Variants in TENM3 observed in about 807,000 individuals in gnomAD.
The protein encoded by TENM3 is teneurin-3.
TENM3 carries 63 observed loss-of-function variants against 255.1 expected under a neutral mutation model. The observed-to-expected ratio is 0.25, with a 90% CI of 0.20 to 0.30. The LOEUF (loss-of-function observed/expected upper bound fraction) is 0.30, where lower values mean the gene tolerates loss of function less well. Among genes scored for constraint, TENM3 ranks in the 10% least tolerant of loss-of-function variants. The probability of loss-of-function intolerance (pLI) is 1.00; values close to 1 mark genes in which losing one functional copy is unlikely to be tolerated. For missense variants in TENM3, 2,929 were observed against 3,461.1 expected (o/e 0.85, Z 3.86); for synonymous variants, 1,306 against 1,322.3 (o/e 0.99, Z 0.27).
At chr4:182,449,036 C>G in intron 3 of TENM3, 1 of 383,044 alleles carries the variant, frequency 2.6e-6, no homozygotes, top group South Asian at 1.8e-5. Flanking sequence ...AACTTGGCAG[C>G]GCTGGGCTCG....
the TENM3 span, among the ~76,000 whole-genome samples, chr4:181,659,839 A>G: frequency 7.2e-5 from 11 of 152,280 alleles, no homozygotes; most frequent in Middle Eastern, 3.4e-3. Flanking sequence ...TTTTCCCCCA[A>G]GTAGTACTGT....
the TENM3 span, among the ~76,000 whole-genome samples, chr4:182,022,193 A>G: frequency 2.2e-3 from 330 of 152,160 alleles, 1 homozygote; most frequent in African/African-American, 7.6e-3. Flanking sequence ...AATGTGGTAC[A>G]TATACACCAT....
chr4:181,454,430 A>G, the TENM3 span, among the ~76,000 whole-genome samples: 1 of 152,100 alleles, frequency 6.6e-6, no homozygotes, highest in African/African-American at 2.4e-5. Context: ...AATTACTTTA[A>G]GCTTTAAATA....
intron 4 of TENM3, among the ~76,000 whole-genome samples, chr4:182,603,480 A>T (rs1009732002): frequency 2.0e-5 from 3 of 152,066 alleles, no homozygotes; most frequent in Admixed American, 2.0e-4. Flanking sequence ...AAGAAATGAT[A>T]TTTCAACTTG....
chr4:182,293,217 T>A (rs1761234664), intron 1 of TENM3, among the ~76,000 whole-genome samples: 1 of 152,168 alleles, frequency 6.6e-6, no homozygotes, highest in Non-Finnish European at 1.5e-5. Context: ...GGCATGGACC[T>A]AGTCTGCTGC....
intron 3 of TENM3, among the ~76,000 whole-genome samples, chr4:182,524,990 A>G (rs1037292841): frequency 1.3e-5 from 2 of 152,146 alleles, no homozygotes; most frequent in East Asian, 1.9e-4. Flanking sequence ...AGATCACACC[A>G]CTGCACTCCA....
chr4:181,944,709 G>A, the TENM3 span, among the ~76,000 whole-genome samples: 3 of 152,000 alleles, frequency 2.0e-5, no homozygotes, highest in Non-Finnish European at 4.4e-5. Context: ...GCCACACCGT[G>A]CCTCTCTGTA....
chr4:182,141,855 C>T (rs1368297472), upstream of TENM3: 1 of 152,238 alleles, frequency 6.6e-6, no homozygotes, highest in African/African-American at 2.4e-5. Flanking sequence ...CATCCCCTAA[C>T]TCACACAATG....
At chr4:182,331,558 T>G (rs1248621095) in intron 2 of TENM3, among the ~76,000 whole-genome samples, 2 of 151,914 alleles carry the variant, frequency 1.3e-5, no homozygotes, top group Non-Finnish European at 2.9e-5. Context: ...AAAAATAAAA[T>G]AAATACATGT....
At chr4:182,218,267 C>T (rs550305301) in intron 1 of TENM3, among the ~76,000 whole-genome samples, 1 of 152,252 alleles carries the variant, frequency 6.6e-6, no homozygotes, top group East Asian at 1.9e-4. Context: ...TCATGGTGGC[C>T]TTAATCTGGG....
At chr4:182,454,802 T>C (rs1773740250) in intron 3 of TENM3, among the ~76,000 whole-genome samples, 1 of 152,210 alleles carries the variant, frequency 6.6e-6, no homozygotes, top group African/African-American at 2.4e-5. Flanking sequence ...TATTGTTCAA[T>C]AAGAGGAAGA....
chr4:181,741,658 A>T, the TENM3 span, among the ~76,000 whole-genome samples: 7 of 152,304 alleles, frequency 4.6e-5, no homozygotes, highest in South Asian at 4.1e-4. Flanking sequence ...TTGGATGATC[A>T]GAGTGCTGGT....
chr4:181,518,286 T>G, the TENM3 span, among the ~76,000 whole-genome samples: 1 of 151,972 alleles, frequency 6.6e-6, no homozygotes, highest in East Asian at 1.9e-4. Flanking sequence ...ATATGTAAAC[T>G]GTCAGCATGT....
intron 1 of TENM3, among the ~76,000 whole-genome samples, chr4:182,316,396 AC>A (rs1280009102): frequency 6.6e-6 from 1 of 151,890 alleles, no homozygotes; most frequent in African/African-American, 2.4e-5. Context: ...GGAAACAGAC[AC>A]TATTCTTGGC....
At chr4:182,244,014 C>G (rs1285626179) in intron 1 of TENM3, among the ~76,000 whole-genome samples, 1 of 130,080 alleles carries the variant, frequency 7.7e-6, no homozygotes, top group South Asian at 2.4e-4. Context: ...AGTGCAGTGG[C>G]GTGACCTCGG....
At chr4:182,214,761 G>T (rs1483917181) in intron 1 of TENM3, among the ~76,000 whole-genome samples, 1 of 152,082 alleles carries the variant, frequency 6.6e-6, no homozygotes, top group Non-Finnish European at 1.5e-5. Context: ...GGAAAAAAAT[G>T]ATGTAAATAA....
intron 3 of TENM3, among the ~76,000 whole-genome samples, chr4:182,501,031 A>C (rs1736262953): frequency 6.6e-6 from 1 of 152,094 alleles, no homozygotes; most frequent in Admixed American, 6.5e-5. Context: ...TGACTCTTCT[A>C]ACTTTTCTAG....
the TENM3 span, among the ~76,000 whole-genome samples, chr4:181,655,555 A>T: frequency 6.6e-6 from 1 of 152,202 alleles, no homozygotes; most frequent in South Asian, 2.1e-4. Context: ...TTACATAATT[A>T]AAATACTCTT....
the TENM3 span, among the ~76,000 whole-genome samples, chr4:182,130,522 C>G: frequency 2.6e-5 from 4 of 152,160 alleles, no homozygotes; most frequent in Non-Finnish European, 5.9e-5. Flanking sequence ...CCCATGTAGG[C>G]CACTTTTGGA....
Sources: gnomAD v4.1 joint callset for allele counts (sites outside exome capture counted in the v4.1 genomes callset) on GRCh38, gnomAD v4.1.1 for gene constraint, MANE v1.5 for transcripts, NCBI Gene and HGNC (gene_info 2026-07-23, HGNC 2026-07-21) for gene names.